LGALS8: variants seen among roughly 807,000 people sequenced by gnomAD.
LGALS8 encodes galectin 8.
A neutral mutation model predicts 35.9 loss-of-function variants in LGALS8; 30 were observed. The observed-to-expected ratio is 0.83, with a 90% CI of 0.62 to 1.13. LGALS8 has a LOEUF of 1.13. LGALS8 is among the 50% of genes most tolerant of loss of function. The pLI is 0.00. For missense variants in LGALS8, 366 were observed against 388.7 expected (o/e 0.94, Z 0.49); for synonymous variants, 138 against 136.1 (o/e 1.01, Z -0.10).
intron 2 of LGALS8, among the ~76,000 whole-genome samples, chr1:236,530,467 AT>A (rs1661083155): frequency 6.6e-6 from 1 of 151,946 alleles, no homozygotes; most frequent in African/African-American, 2.4e-5. Flanking sequence ...TACTAGTGAA[AT>A]TTTGTCTTTA....
At chr1:236,543,357 A>G in intron 7 of LGALS8, 1 of 692,242 alleles carries the variant, frequency 1.4e-6, no homozygotes. Flanking sequence ...TTCATCGTCT[A>G]AAATGTAATC....
chr1:236,544,641 C>A, intron 8 of LGALS8, 109 bp from the exon 9 acceptor site: 1 of 778,456 alleles, frequency 1.3e-6, no homozygotes, highest in Non-Finnish European at 1.9e-6. Flanking sequence ...ACGTGTGTTT[C>A]ATAGAGTTAG....
Position 236,551,068 on chromosome 1 carries a change from A to C in LGALS8, c.*2907A>C. On this transcript the variant is annotated 3_prime_UTR_variant, in exon 10 of 10. Coordinates refer to ENST00000366584, the MANE Select transcript of LGALS8 (RefSeq NM_201544.4). ...TCGGTTCTCATTAGTTTAATTCTTA[A>C]TGCCTTGCACTTTCCGGCAATCATT... The C allele has an allele frequency of 2.6e-6, 3 of 1,133,868 alleles. No individual in the cohort carries two copies. Among genetic ancestry groups the C allele is most frequent in the Non-Finnish European group, 3.8e-6 (3 of 799,432 alleles). 70.2% of individuals were successfully genotyped at this position (1,133,868 alleles called of 1,614,324 possible).
Position 236,526,116 on chromosome 1 carries a change from G to C in LGALS8, c.45+1G>C. On this transcript the variant is annotated splice_donor_variant, in intron 2 of 9. Transcript: ENST00000366584. LOFTEE classifies it high-confidence loss of function. This position sits in a 1 kb window ranked among gnomAD's most constrained non-coding sequence, Gnocchi z 4.6. ...CCTACAGAATATCATCTATAACCCG[G>C]TAACTGATTTCTATAAGATAACTTT... is the stretch of plus-strand genomic sequence containing the variant. 1 of 1,600,672 alleles carries C rather than the reference G, an allele frequency of 6.2e-7. No homozygotes were observed. The highest frequency in any genetic ancestry group is 8.6e-7 in the Non-Finnish European group (1 of 1,168,402).
At chr1:236,537,475 T>C in intron 2 of LGALS8, 22 bp from the exon 3 acceptor site, 1 of 1,453,276 alleles carries the variant, frequency 6.9e-7, no homozygotes, top group South Asian at 1.1e-5. Flanking sequence ...TAAACGTACA[T>C]TTGTTAAATT....
At chr1:236,531,718 T>C (rs1048620709) in intron 2 of LGALS8, among the ~76,000 whole-genome samples, 1 of 152,172 alleles carries the variant, frequency 6.6e-6, no homozygotes, top group African/African-American at 2.4e-5. Context: ...TATAAATCCA[T>C]TGACTCCCTT....
At chr1:236,542,381 G>C (rs1662058465) in intron 6 of LGALS8, 1 of 238,082 alleles carries the variant, frequency 4.2e-6, no homozygotes, top group Admixed American at 5.3e-5. Flanking sequence ...TTGGGTGGCT[G>C]AAGTAGGCGG....
At chr1:236,537,174 A>G (rs1042557341) in intron 2 of LGALS8, among the ~76,000 whole-genome samples, 1 of 151,012 alleles carries the variant, frequency 6.6e-6, no homozygotes, top group Non-Finnish European at 1.5e-5. Context: ...CCACCACCAC[A>G]CCCGGCTAAT....
intron 2 of LGALS8, among the ~76,000 whole-genome samples, chr1:236,532,531 G>A (rs966133880): frequency 3.9e-5 from 6 of 152,034 alleles, no homozygotes; most frequent in African/African-American, 9.7e-5. Flanking sequence ...AACTAAACTC[G>A]TCATCTTCCT....
chr1:236,545,566 T>TA (rs780673914), intron 9 of LGALS8, among the ~76,000 whole-genome samples: 2 of 152,224 alleles, frequency 1.3e-5, no homozygotes, highest in African/African-American at 4.8e-5. Context: ...GTCATTGGTT[T>TA]AGGTTATCAT....
In LGALS8 at chr1:236,526,717, TG is replaced by T. The variant is rs968882578; in HGVS notation, c.45+603del. The stretch of plus-strand genomic sequence containing the variant: ...ATGTGGTGGTGAGAATCTTTAGGAA[TG>T]TCTAGTTTCCACGTATCTGAAGCTG... On this transcript the variant is annotated intron_variant, in intron 2 of 9. Transcript: ENST00000366584. The surrounding 1 kb of genome is among the most constrained non-coding windows in gnomAD (Gnocchi z 4.6). Among the ~76,000 whole-genome samples the T allele has an allele frequency of 6.6e-6, 1 of 152,192 alleles. No individual in the cohort carries two copies. The highest frequency in any genetic ancestry group is 1.5e-5 in the Non-Finnish European group (1 of 68,032).
chr1:236,548,623 C>T lies in LGALS8; in HGVS notation c.*462C>T, dbSNP rs1347152177. On this transcript the variant is annotated 3_prime_UTR_variant, in exon 10 of 10. Coordinates refer to ENST00000366584, the MANE Select transcript of LGALS8 (RefSeq NM_201544.4). ...GCTTTTTCTACAGGCATTACATCAA[C>T]TCCTAAGGGGTCCTCTGGGATTAGT... 2 of 299,356 alleles carry T rather than the reference C, an allele frequency of 6.7e-6. No homozygotes were observed. Among genetic ancestry groups the T allele is most frequent in the Non-Finnish European group, 6.1e-6 (1 of 163,810 alleles). 18.5% of individuals were successfully genotyped at this position (299,356 alleles called of 1,614,324 possible).
chr1:236,547,930 T>TACTC (rs1194412392), intron 9 of LGALS8, 82 bp from the exon 10 acceptor site: 1 of 1,227,196 alleles, frequency 8.1e-7, no homozygotes, highest in East Asian at 2.3e-5. Flanking sequence ...TCAAATGGTT[T>TACTC]ACTCTGACAC....
At chr1:236,522,282 ACT>A (rs528640330), upstream of LGALS8, among the ~76,000 whole-genome samples, 36 of 152,280 alleles carry the variant, frequency 2.4e-4, no homozygotes, top group East Asian at 6.0e-3. Flanking sequence ...ACTTATTTCA[ACT>A]TATTTTAGCT....
At chr1:236,529,122 C>T (rs1414548822) in intron 2 of LGALS8, among the ~76,000 whole-genome samples, 1 of 151,524 alleles carries the variant, frequency 6.6e-6, no homozygotes, top group Non-Finnish European at 1.5e-5. Flanking sequence ...TATAAAAATA[C>T]AAAAATTAAC....
intron 2 of LGALS8, among the ~76,000 whole-genome samples, chr1:236,533,483 T>G (rs1057393110): frequency 6.6e-6 from 1 of 152,034 alleles, no homozygotes; most frequent in Non-Finnish European, 1.5e-5. Flanking sequence ...TACAGTCATG[T>G]GCCACCATGC....
At position 236,531,372 on chromosome 1, in the gene LGALS8, G is replaced by A. The variant is rs191632189; in HGVS notation, c.45+5257G>A. Among the ~76,000 whole-genome samples the A allele has an allele frequency of 1.6e-4, 25 of 152,204 alleles. 2 individuals carry two copies. In the East Asian group the frequency reaches 4.8e-3, roughly 29 times the overall value. On this transcript the variant is annotated intron_variant, in intron 2 of 9. Transcript: ENST00000366584. ...AGAGTCTTGCTCTGTCGCCCAGGCTGGAGTGCAGTGGCATGATCTTGGCTT... is the reference window on the plus strand; with the variant it reads ...AGAGTCTTGCTCTGTCGCCCAGGCTAGAGTGCAGTGGCATGATCTTGGCTT...
upstream of LGALS8, among the ~76,000 whole-genome samples, chr1:236,519,975 T>TTA (rs1277552281): frequency 8.6e-6 from 1 of 116,326 alleles, no homozygotes; most frequent in Non-Finnish European, 1.7e-5. Flanking sequence ...TTTTTTTTTT[T>TTA]AGACACAGTT....
At chr1:236,530,086 T>C (rs1472313869) in intron 2 of LGALS8, among the ~76,000 whole-genome samples, 1 of 152,244 alleles carries the variant, frequency 6.6e-6, no homozygotes, top group African/African-American at 2.4e-5. Context: ...TTTGCTATTG[T>C]TTATAGAGTT....
Sources: gnomAD v4.1 joint callset for allele counts (sites outside exome capture counted in the v4.1 genomes callset) on GRCh38, gnomAD v4.1.1 for gene constraint, Gnocchi (gnomAD v3.1) non-coding constraint, MANE v1.5 for transcripts, NCBI Gene and HGNC (gene_info 2026-07-23, HGNC 2026-07-21) for gene names.